The following CSMD1 variants were observed in gnomAD, a reference collection of about 807,000 sequenced individuals.
CSMD1 encodes CUB and Sushi multiple domains 1.
In CSMD1, 213 loss-of-function variants were observed where a neutral mutation model predicts 417.5. That is an observed-to-expected ratio of 0.51 (90% CI 0.46 to 0.57). The LOEUF is 0.57. Among genes scored for constraint, CSMD1 ranks in the 20% least tolerant of loss-of-function variants. The pLI is 0.00. For synonymous variants in CSMD1, 2,862 were observed against 1,736.8 expected (o/e 1.65, Z -16.11); for missense variants, 6,923 against 4,529.7 (o/e 1.53, Z -15.17).
At chr8:4,655,899 T>G (rs920603896) in intron 1 of CSMD1, among the ~76,000 whole-genome samples, 8 of 152,176 alleles carry the variant, frequency 5.3e-5, no homozygotes, top group Admixed American at 2.6e-4. Context: ...ATTGATTGAC[T>G]GTCAACTGTG....
rs973499698 is a variant in CSMD1 at position 4,505,843 on chromosome 8, C to G, written c.303-85778G>C. 5.9e-5 allele frequency among the ~76,000 whole-genome samples: 9 copies of G among 152,018 alleles called. No individual in the cohort carries two copies. In the South Asian group the frequency reaches 1.5e-3, roughly 25 times the overall value. ...TTAGATAGAGTCTCACTCTGTCACC[C>G]ACAATAGAGTACAGTGGCGCGATCT... On this transcript the variant is annotated intron_variant, in intron 2 of 69. Coordinates refer to ENST00000635120, the MANE Select transcript of CSMD1 (RefSeq NM_033225.6).
chr8:3,167,601 G>A (rs1316152374), intron 37 of CSMD1, among the ~76,000 whole-genome samples: 1 of 152,180 alleles, frequency 6.6e-6, no homozygotes, highest in African/African-American at 2.4e-5. Flanking sequence ...CATTTACAAA[G>A]ATGCTTCTAT....
rs10635075 is a variant in CSMD1 at position 3,926,014 on chromosome 8, TAC to T, written c.818+71887_818+71888del. ...ATGAAACTAATTGTCTATTTGTCTA[TAC>T]ACACACACACACACACACACACACA... is the stretch of plus-strand genomic sequence containing the variant. On this transcript the variant is annotated intron_variant, in intron 5 of 69. Coordinates refer to ENST00000635120, the MANE Select transcript of CSMD1 (RefSeq NM_033225.6). Among the ~76,000 whole-genome samples, 937 of 123,308 alleles carry T rather than the reference TAC, an allele frequency of 7.6e-3. 16 individuals carry two copies. The highest frequency in any genetic ancestry group is 0.015 in the Admixed American group (170 of 11,646). The allele number at this position is 123,308 out of a possible 152,430, so 80.9% of individuals were successfully genotyped here.
rs1445807147 is a variant in CSMD1, at chr8:2,938,261, A to T, written c.*324T>A. On this transcript the variant is annotated 3_prime_UTR_variant, in exon 70 of 70. Transcript: ENST00000635120. ...CGATTGCATTGAAAGGCATCTCAGC[A>T]ACACAGAAATATGAAAGTCTGAGGC... 3.9e-6 allele frequency: 1 copy of T among 255,734 alleles called. No individual in the cohort carries two copies. The highest frequency in any genetic ancestry group is 7.4e-6 in the Non-Finnish European group (1 of 135,394). 15.8% of individuals were successfully genotyped at this position (255,734 alleles called of 1,614,324 possible). A position where few individuals can be genotyped will look rare whatever the true frequency, so the allele number is the denominator to read the frequency against.
intron 3 of CSMD1, among the ~76,000 whole-genome samples, chr8:4,186,699 T>A (rs1798697756): frequency 6.6e-6 from 1 of 152,012 alleles, no homozygotes; most frequent in South Asian, 2.1e-4. Context: ...ACTAAATATT[T>A]TTTTCAGCGG....
Position 4,855,666 on chromosome 8 carries a change from G to A in CSMD1, c.85+138666C>T, listed in dbSNP as rs192559891. On this transcript the variant is annotated intron_variant, in intron 1 of 69. Transcript: ENST00000635120. ...ATCAACTGGAAGATAGGGTATCAGC[G>A]ATGGAAGATGAAATGAATGAAATGA... Among the ~76,000 whole-genome samples the A allele has an allele frequency of 3.9e-3, 592 of 152,246 alleles. 2 individuals carry two copies. The highest frequency in any genetic ancestry group is 0.02 in the Middle Eastern group (6 of 294).
intron 5 of CSMD1, among the ~76,000 whole-genome samples, chr8:3,973,518 A>C (rs1238551239): frequency 6.6e-6 from 1 of 152,240 alleles, no homozygotes; most frequent in South Asian, 2.1e-4. Flanking sequence ...TCATTCTGGT[A>C]TAAGAACAAA....
intron 49 of CSMD1, among the ~76,000 whole-genome samples, chr8:3,054,576 C>G (rs1003109401): frequency 7.9e-5 from 12 of 152,118 alleles, no homozygotes; most frequent in African/African-American, 2.9e-4. Flanking sequence ...TGAAATTATG[C>G]CAGTGCACTC....
intron 5 of CSMD1, among the ~76,000 whole-genome samples, chr8:3,928,079 C>A (rs1329996106): frequency 6.6e-6 from 1 of 151,934 alleles, no homozygotes; most frequent in Admixed American, 6.6e-5. Flanking sequence ...TTCAAGGAGG[C>A]CTGAGTTTAT....
Position 3,491,228 on chromosome 8 carries a change from C to G in CSMD1, c.1448+2395G>C, listed in dbSNP as rs541015636. Among the ~76,000 whole-genome samples the G allele has an allele frequency of 1.0e-3, 157 of 152,256 alleles. 1 individual carries two copies. Among genetic ancestry groups the G allele is most frequent in the African/African-American group, 3.4e-3 (143 of 41,550 alleles). On this transcript the variant is annotated intron_variant, in intron 11 of 69. Coordinates refer to ENST00000635120, the MANE Select transcript of CSMD1 (RefSeq NM_033225.6). ...CCACAGGCGATAAAGACTCAAGATCCTGGAGCAGTATCACATCACTGAGTT... is the reference window on the plus strand; with the variant it reads ...CCACAGGCGATAAAGACTCAAGATCGTGGAGCAGTATCACATCACTGAGTT...
At position 3,561,457 on chromosome 8, in the gene CSMD1, T is replaced by C. The variant is rs147640346; in HGVS notation, c.1344+13488A>G. 6.3e-3 allele frequency among the ~76,000 whole-genome samples: 930 copies of C among 148,154 alleles called. 12 individuals carry two copies. Among genetic ancestry groups the C allele is most frequent in the African/African-American group, 0.021 (868 of 41,214 alleles). ...CCATGGATACCACACAATCATAAAA[T>C]GATACATTTCTTGGCAATATGGATG... On this transcript the variant is annotated intron_variant, in intron 10 of 69. Transcript: ENST00000635120.
intron 5 of CSMD1, among the ~76,000 whole-genome samples, chr8:3,840,484 C>T (rs931175917): frequency 6.6e-6 from 1 of 152,052 alleles, no homozygotes; most frequent in African/African-American, 2.4e-5. Flanking sequence ...TTCAATAAAT[C>T]ATTGACTGAA....
intron 1 of CSMD1, among the ~76,000 whole-genome samples, chr8:4,755,799 A>T (rs1304087899): frequency 2.6e-5 from 4 of 152,054 alleles, no homozygotes; most frequent in African/African-American, 9.7e-5. Flanking sequence ...TATTTTTTCC[A>T]TTCTTAACGA....
chr8:4,800,733 G>A (rs983711937), intron 1 of CSMD1, among the ~76,000 whole-genome samples: 4 of 152,192 alleles, frequency 2.6e-5, no homozygotes, highest in African/African-American at 9.6e-5. Context: ...CATTGCTTAA[G>A]GCCTCTGGCC....
At chr8:4,357,196 T>G (rs1801478745) in intron 3 of CSMD1, among the ~76,000 whole-genome samples, 1 of 152,178 alleles carries the variant, frequency 6.6e-6, no homozygotes, top group African/African-American at 2.4e-5. Context: ...TAGTGTGTTC[T>G]TAAGTAGCTA....
chr8:3,201,648 C>A lies in CSMD1; in HGVS notation c.5062G>T (p.Ala1688Ser). Residue 1688 changes from alanine (A) to serine (S), a missense_variant, in exon 32 of 70, where the codon GCC (alanine) becomes TCC (serine). Ala to Ser is a moderately conservative substitution (Grantham distance 99). Transcript: ENST00000635120. ...AELFDGTHAQ[A>S]RLLSSLSGSH... is the part of the protein sequence containing the mutation. ...CCCGAGAGTGAGCTGAGAAGTCTGG[C>A]CTGTGCATGGGTTCCATCAAATAAT... 6.2e-7 allele frequency: 1 copy of A among 1,605,608 alleles called. No homozygotes were observed. Among genetic ancestry groups the A allele is most frequent in the Non-Finnish European group, 8.5e-7 (1 of 1,175,958 alleles).
At chr8:4,362,677 G>T (rs1185151011) in intron 3 of CSMD1, among the ~76,000 whole-genome samples, 2 of 152,146 alleles carry the variant, frequency 1.3e-5, no homozygotes, top group African/African-American at 2.4e-5. Context: ...TGAAATAAAA[G>T]AAATTATGGG....
chr8:3,509,706 A>C (rs1796983667), intron 10 of CSMD1, among the ~76,000 whole-genome samples: 1 of 152,156 alleles, frequency 6.6e-6, no homozygotes, highest in Non-Finnish European at 1.5e-5. Context: ...CTGCAGGGCT[A>C]TTTGCTTCCT....
At chr8:3,290,123 G>T (rs1222417202) in intron 25 of CSMD1, among the ~76,000 whole-genome samples, 1 of 146,840 alleles carries the variant, frequency 6.8e-6, no homozygotes, top group Non-Finnish European at 1.5e-5. Flanking sequence ...GTTTGTCAAA[G>T]ATCAGATAGT....
Sources: gnomAD v4.1 joint callset for allele counts (sites outside exome capture counted in the v4.1 genomes callset) on GRCh38, gnomAD v4.1.1 for gene constraint, MANE v1.5 for transcripts, NCBI Gene and HGNC (gene_info 2026-07-23, HGNC 2026-07-21) for gene names.